Variants in KCNMA1 observed in about 807,000 individuals in gnomAD.
KCNMA1 encodes Calcium-activated potassium channel subunit alpha-1.
A neutral mutation model predicts 140.0 loss-of-function variants in KCNMA1; 29 were observed. The ratio of observed to expected loss-of-function variants is 0.21; its 90% CI spans 0.15 to 0.28. The LOEUF (loss-of-function observed/expected upper bound fraction) is 0.28, where lower values mean the gene tolerates loss of function less well. KCNMA1 is among the 10% of genes least tolerant of loss of function. The probability of loss-of-function intolerance (pLI) is 1.00; values close to 1 mark genes in which losing one functional copy is unlikely to be tolerated. For missense variants in KCNMA1, 880 were observed against 1,602.2 expected, an observed-to-expected ratio of 0.55 and a Z score of 7.70; for synonymous variants, 612 against 611.9, an observed-to-expected ratio of 1.00 and a Z score of 0.00.
intron 2 of KCNMA1, among the ~76,000 whole-genome samples, chr10:77,330,902 G>T (rs1352006006): frequency 1.3e-5 from 2 of 152,164 alleles, no homozygotes; most frequent in Non-Finnish European, 2.9e-5. Flanking sequence ...GGATGCTGGG[G>T]CATGCAATAA....
chr10:77,303,280 G>A (rs2076950239), intron 2 of KCNMA1, among the ~76,000 whole-genome samples: 1 of 152,034 alleles, frequency 6.6e-6, no homozygotes, highest in South Asian at 2.1e-4. Flanking sequence ...ATAGTCCTTA[G>A]GGGAAGGTCT....
chr10:77,610,665 G>T (rs918245142), intron 1 of KCNMA1, among the ~76,000 whole-genome samples: 2 of 152,222 alleles, frequency 1.3e-5, no homozygotes, highest in African/African-American at 4.8e-5. Flanking sequence ...CCACTTATAT[G>T]AAGTGTCCAG....
Position 77,086,563 on chromosome 10 carries a change from C to T in KCNMA1, c.1365G>A (p.Leu455=). 6.2e-7 allele frequency: 1 copy of T among 1,613,814 alleles called. No homozygotes were observed. Among genetic ancestry groups the T allele is most frequent in the Non-Finnish European group, 8.5e-7 (1 of 1,179,740 alleles). The change falls in exon 11 of 28, where the codon CTG becomes CTA. Residue 455 remains leucine (L), a synonymous_variant. Coordinates refer to ENST00000286628, the MANE Select transcript of KCNMA1 (RefSeq NM_001161352.2). ...NISPNLELEA[L]FKRHFTQVEF... is the part of the protein sequence containing the mutation. ...CCACCTGAGTAAAATGTCGTTTGAA[C>T]AGAGCTTCAAGCTCCAGGTTGGGGG...
At chr10:77,633,026 A>C (rs1266871556) in intron 1 of KCNMA1, among the ~76,000 whole-genome samples, 1 of 152,210 alleles carries the variant, frequency 6.6e-6, no homozygotes, top group Non-Finnish European at 1.5e-5. Flanking sequence ...TTCCATAAAG[A>C]GGGCCAGGGG....
At chr10:77,303,595 C>T (rs779721387) in intron 2 of KCNMA1, among the ~76,000 whole-genome samples, 17 of 152,262 alleles carry the variant, frequency 1.1e-4, no homozygotes, top group Non-Finnish European at 1.6e-4. Context: ...AGCCATGTCA[C>T]CCCTGGGCTT....
downstream of KCNMA1, among the ~76,000 whole-genome samples, chr10:76,880,685 C>T (rs76742676): frequency 2.6e-3 from 395 of 152,268 alleles, 6 homozygotes; most frequent in East Asian, 0.066. Flanking sequence ...TTGAATCTTG[C>T]CTTCTGAAGA....
intron 1 of KCNMA1, among the ~76,000 whole-genome samples, chr10:77,508,530 C>T (rs1436514497): frequency 6.6e-6 from 1 of 150,432 alleles, no homozygotes; most frequent in Non-Finnish European, 1.5e-5. Context: ...ATAAATATCA[C>T]ATAAAATTTA....
At chr10:77,522,391 G>T (rs998499834) in intron 1 of KCNMA1, among the ~76,000 whole-genome samples, 2 of 152,080 alleles carry the variant, frequency 1.3e-5, no homozygotes, top group Non-Finnish European at 2.9e-5. Context: ...CAAATGTTTT[G>T]CCTTTTCATT....
chr10:77,453,775 T>G (rs1276613696), intron 1 of KCNMA1, among the ~76,000 whole-genome samples: 1 of 152,164 alleles, frequency 6.6e-6, no homozygotes, highest in African/African-American at 2.4e-5. Context: ...AGCTAAGTAT[T>G]GGTGGACACA....
At chr10:77,210,159 T>C (rs1347196530) in intron 3 of KCNMA1, among the ~76,000 whole-genome samples, 1 of 152,006 alleles carries the variant, frequency 6.6e-6, no homozygotes, top group African/African-American at 2.4e-5. Flanking sequence ...GATGCAAAAA[T>C]CCTCAATAAA....
intron 15 of KCNMA1, among the ~76,000 whole-genome samples, chr10:77,032,268 T>C (rs2093988268): frequency 1.3e-5 from 2 of 152,210 alleles, no homozygotes; most frequent in Non-Finnish European, 2.9e-5. Context: ...TTTACTTGCA[T>C]CACTCAACAC....
intron 1 of KCNMA1, among the ~76,000 whole-genome samples, chr10:77,468,832 C>T (rs778776156): frequency 2.0e-5 from 3 of 152,116 alleles, no homozygotes; most frequent in Non-Finnish European, 2.9e-5. Flanking sequence ...TGTTGAGTAC[C>T]CAGTTCCCAG....
chr10:77,278,829 C>G (rs2067477806), intron 2 of KCNMA1, among the ~76,000 whole-genome samples: 1 of 152,194 alleles, frequency 6.6e-6, no homozygotes, highest in Non-Finnish European at 1.5e-5. Context: ...CTACTATTAT[C>G]CATCCCTCTG....
At chr10:77,493,230 T>C (rs1322135623) in intron 1 of KCNMA1, among the ~76,000 whole-genome samples, 1 of 152,246 alleles carries the variant, frequency 6.6e-6, no homozygotes, top group Non-Finnish European at 1.5e-5. Flanking sequence ...GCACCCCGGC[T>C]AATCAGCCTC....
chr10:77,258,318 C>T (rs1173027839), intron 2 of KCNMA1, among the ~76,000 whole-genome samples: 1 of 152,178 alleles, frequency 6.6e-6, no homozygotes, highest in Non-Finnish European at 1.5e-5. Context: ...CATAGACACT[C>T]AGATTCATAG....
intron 3 of KCNMA1, among the ~76,000 whole-genome samples, chr10:77,186,188 G>A (rs183564302): frequency 6.6e-6 from 1 of 152,172 alleles, no homozygotes; most frequent in African/African-American, 2.4e-5. Context: ...GGGAATCTCC[G>A]ATCATGTTCC....
chr10:76,897,023 C>CACACAG (rs2042852002), intron 25 of KCNMA1, among the ~76,000 whole-genome samples: 1 of 151,406 alleles, frequency 6.6e-6, no homozygotes, highest in South Asian at 2.1e-4. Flanking sequence ...CACACACACA[C>CACACAG]ACACACACAC....
downstream of KCNMA1, among the ~76,000 whole-genome samples, chr10:76,883,451 T>C (rs943892753): frequency 6.6e-6 from 1 of 152,206 alleles, no homozygotes; most frequent in African/African-American, 2.4e-5. Flanking sequence ...TCCATCCATT[T>C]GAACTGGCTT....
At chr10:76,955,197 CTTTTTTT>C (rs60670000) in intron 20 of KCNMA1, among the ~76,000 whole-genome samples, 4 of 141,168 alleles carry the variant, frequency 2.8e-5, no homozygotes, top group Non-Finnish European at 4.6e-5. Flanking sequence ...TTTCTTTTTT[CTTTTTTT>C]TTTTTTTTAG....
Sources: allele counts gnomAD v4.1 joint callset (sites outside exome capture counted in the v4.1 genomes callset), GRCh38; gene constraint gnomAD v4.1.1; transcripts MANE v1.5; gene names NCBI Gene and HGNC (gene_info 2026-07-23, HGNC 2026-07-21).